DUS2: variants seen among roughly 807,000 people sequenced by gnomAD.
The protein encoded by DUS2 is tRNA-dihydrouridine(20) synthase [NAD(P)+]-like.
Under a neutral mutation model 71.3 loss-of-function variants are expected in DUS2, and 52 were observed. The ratio of observed to expected loss-of-function variants is 0.73; its 90% confidence interval spans 0.58 to 0.92. DUS2 has a LOEUF of 0.92. Among genes scored for constraint, DUS2 ranks in the 40% least tolerant of loss-of-function variants. The pLI is 0.00. For missense variants in DUS2, 558 were observed against 622.6 expected (o/e 0.90, Z 1.10); for synonymous variants, 204 against 227.8 (o/e 0.90, Z 0.94).
intron 10 of DUS2, among the ~76,000 whole-genome samples, chr16:68,069,177 T>G (rs1598317475): frequency 6.6e-6 from 1 of 151,418 alleles, no homozygotes; most frequent in Admixed American, 6.6e-5. Flanking sequence ...TCACATGAGG[T>G]CAGGAGTTCA....
At chr16:68,070,269 G>T (rs764273973) in intron 11 of DUS2, 49 bp downstream of exon 11, 1 of 1,574,778 alleles carries the variant, frequency 6.4e-7, no homozygotes, top group Non-Finnish European at 8.7e-7. Context: ...AGAGCTAAGG[G>T]CTGGGTGGTA....
chr16:68,044,229 A>G (rs547649504), intron 3 of DUS2, among the ~76,000 whole-genome samples: 2 of 152,216 alleles, frequency 1.3e-5, no homozygotes, highest in South Asian at 2.1e-4. Context: ...TTGCATTGCT[A>G]TATGAATTTT....
intron 4 of DUS2, among the ~76,000 whole-genome samples, chr16:68,049,994 A>G (rs1001944405): frequency 6.6e-6 from 1 of 152,176 alleles, no homozygotes; most frequent in African/African-American, 2.4e-5. Context: ...AGGTACATGT[A>G]AGTACTGTGG....
intron 3 of DUS2, among the ~76,000 whole-genome samples, chr16:68,040,885 A>C (rs2033617164): frequency 6.6e-6 from 1 of 152,000 alleles, no homozygotes; most frequent in African/African-American, 2.4e-5. Context: ...AAATGACCTC[A>C]CCCAGCTCAC....
intron 3 of DUS2, 96 bp from the exon 4 acceptor site, chr16:68,049,409 C>T (rs955063268): frequency 1.5e-6 from 2 of 1,325,690 alleles, no homozygotes; most frequent in Non-Finnish European, 2.2e-6. Context: ...AGTAGGGCGA[C>T]TGGCCAAGCG....
intron 3 of DUS2, among the ~76,000 whole-genome samples, chr16:68,046,739 C>G (rs563826095): frequency 6.6e-6 from 1 of 151,786 alleles, no homozygotes; most frequent in African/African-American, 2.4e-5. Flanking sequence ...AACGTTTTCT[C>G]TCTCATTCTG....
intron 4 of DUS2, 82 bp from the exon 5 acceptor site, chr16:68,053,482 G>T (rs1446660750): frequency 1.3e-5 from 17 of 1,303,650 alleles, no homozygotes; most frequent in Non-Finnish European, 1.7e-5. Flanking sequence ...TTATACTCTG[G>T]CTGTGTTTTC....
At chr16:68,029,899 G>A (rs1361209775) in intron 2 of DUS2, among the ~76,000 whole-genome samples, 2 of 151,030 alleles carry the variant, frequency 1.3e-5, no homozygotes, top group African/African-American at 4.9e-5. Flanking sequence ...GACCACAGGT[G>A]TGTACCACCA....
intron 1 of DUS2, 162 bp downstream of exon 1, chr16:68,023,513 T>G: frequency 1.0e-5 from 4 of 384,258 alleles, no homozygotes; most frequent in African/African-American, 2.1e-5. Context: ...GGTTACCTGG[T>G]TCCTGGGATT....
chr16:68,046,171 G>A (rs923703330), intron 3 of DUS2, among the ~76,000 whole-genome samples: 12 of 152,142 alleles, frequency 7.9e-5, no homozygotes, highest in Non-Finnish European at 1.0e-4. Flanking sequence ...ATACCCAATA[G>A]GATCTTTTTT....
intron 8 of DUS2, among the ~76,000 whole-genome samples, chr16:68,065,369 C>CT (rs1322427419): frequency 5.9e-5 from 6 of 100,960 alleles, no homozygotes; most frequent in Non-Finnish European, 1.2e-4. Flanking sequence ...AAGCTGTCTG[C>CT]CCCCCCGCTT....
chr16:68,054,427 TG>T, intron 5 of DUS2, 146 bp from the exon 6 acceptor site: 1 of 802,042 alleles, frequency 1.2e-6, no homozygotes, highest in South Asian at 1.5e-5. Context: ...GCTAGTCTAG[TG>T]GGCTGGCTGT....
At chr16:68,072,186 G>T (rs1290212232) in intron 12 of DUS2, among the ~76,000 whole-genome samples, 2 of 152,212 alleles carry the variant, frequency 1.3e-5, no homozygotes, top group African/African-American at 4.8e-5. Context: ...AAGCTAGGAT[G>T]GTAAGATGCC....
chr16:68,074,153 T>G lies in DUS2; in HGVS notation c.930T>G (p.Ile310Met). ...LLHAAQSSRE[I>M]CEAFGLGAFY... Reference sequence around the variant, plus strand: ...ATGCTGCCCAGTCTTCCCGGGAAATTTGGTAAGAGGCACAATAAGATGTCC... The same window carrying G: ...ATGCTGCCCAGTCTTCCCGGGAAATGTGGTAAGAGGCACAATAAGATGTCC... Residue 310 changes from isoleucine (I) to methionine (M), a missense_variant and splice_region_variant, in exon 13 of 17, where the codon ATT becomes ATG. Physicochemically the swap from Ile to Met is conservative, Grantham distance 10. Transcript: ENST00000565263. 1 of 1,614,044 alleles carries G rather than the reference T, an allele frequency of 6.2e-7. No individual in the cohort carries two copies. Among genetic ancestry groups the G allele is most frequent in the Non-Finnish European group, 8.5e-7 (1 of 1,179,944 alleles).
intron 3 of DUS2, among the ~76,000 whole-genome samples, chr16:68,040,610 A>C (rs2033609089): frequency 6.6e-6 from 1 of 152,192 alleles, no homozygotes; most frequent in African/African-American, 2.4e-5. Flanking sequence ...ACAAATAAAC[A>C]AAGGGGTATC....
At chr16:68,058,346 T>C (rs531840461) in intron 7 of DUS2, among the ~76,000 whole-genome samples, 1 of 151,934 alleles carries the variant, frequency 6.6e-6, no homozygotes, top group South Asian at 2.1e-4. Context: ...TGCCTCAGCC[T>C]CCTGAGTAGC....
In DUS2 at chr16:68,037,993, CT is replaced by C. The variant is rs569037112; in HGVS notation, c.-18-4del. On this transcript the variant is annotated splice_polypyrimidine_tract_variant and intron_variant, in intron 2 of 16. Transcript: ENST00000565263. ...TTTGAATTTCTGACTCTTGTTTCCT[CT>C]TTTTTTTTCAGGCTGTAACAGAGGA... The C allele has an allele frequency of 2.6e-5, 40 of 1,564,336 alleles. No homozygotes were observed. The highest frequency in any genetic ancestry group is 1.1e-4 in the Admixed American group (6 of 55,128).
chr16:68,077,719 A>G (rs2034177910), intron 15 of DUS2, among the ~76,000 whole-genome samples: 1 of 152,178 alleles, frequency 6.6e-6, no homozygotes, highest in Admixed American at 6.5e-5. Context: ...GCCTCAGCCA[A>G]TGGGGCACAG....
chr16:68,062,833 A>T (rs2033959043), intron 8 of DUS2, among the ~76,000 whole-genome samples: 1 of 151,958 alleles, frequency 6.6e-6, no homozygotes, highest in Non-Finnish European at 1.5e-5. Context: ...GTAGCATCTC[A>T]GGTTCAAGGT....
Sources: allele counts gnomAD v4.1 joint callset (sites outside exome capture counted in the v4.1 genomes callset), GRCh38; gene constraint gnomAD v4.1.1; transcripts MANE v1.5; gene names NCBI Gene and HGNC (gene_info 2026-07-23, HGNC 2026-07-21).